Variants in LPP observed in about 807,000 individuals in gnomAD.
LPP encodes the protein lipoma-preferred partner.
In LPP, 38 loss-of-function variants were observed where a neutral mutation model predicts 60.4. That is an observed-to-expected ratio of 0.63 (90% CI 0.49 to 0.83). LPP has a LOEUF of 0.83. LPP is among the 40% of genes least tolerant of loss of function. LPP has a pLI of 0.00. For synonymous variants in LPP, 328 were observed against 290.8 expected (o/e 1.13, Z -1.30); for missense variants, 902 against 783.6 (o/e 1.15, Z -1.80).
rs187490194 is a variant in LPP at position 188,251,100 on chromosome 3, T to C, written c.-67+25573T>C. The stretch of plus-strand genomic sequence containing the variant: ...TTCTTTCTCTCTCTCTTTCTCTCTC[T>C]CTCTTTCTCTCTATTTTCCTCTTTC... On this transcript the variant is annotated intron_variant, in intron 2 of 11. Transcript: ENST00000617246. Among the ~76,000 whole-genome samples the C allele has an allele frequency of 1.9e-3, 280 of 143,642 alleles. 1 individual carries two copies. The highest frequency in any genetic ancestry group is 6.9e-3 in the African/African-American group (262 of 37,910). 94.2% of individuals were successfully genotyped at this position (143,642 alleles called of 152,430 possible).
intron 7 of LPP, among the ~76,000 whole-genome samples, chr3:188,635,728 A>G (rs1044477729): frequency 6.6e-6 from 1 of 152,202 alleles, no homozygotes; most frequent in Non-Finnish European, 1.5e-5. Context: ...TATGTTCTTT[A>G]GTCGAGTTTA....
chr3:188,398,773 C>T lies in LPP; in HGVS notation c.-9-7339C>T, dbSNP rs569676072. Among the ~76,000 whole-genome samples the T allele has an allele frequency of 4.6e-5, 7 of 152,334 alleles. No individual in the cohort carries two copies. In the South Asian group the frequency reaches 1.0e-3, roughly 23 times the overall value. On this transcript the variant is annotated intron_variant, in intron 3 of 11. Transcript: ENST00000617246. ...CAATTACGCTGGTAGGGACTTACCC[C>T]GTTTGGAAAAGGTTTGCCTAAATAC...
At chr3:188,426,041 G>A (rs572241184) in intron 4 of LPP, among the ~76,000 whole-genome samples, 55 of 152,254 alleles carry the variant, frequency 3.6e-4, no homozygotes, top group African/African-American at 1.2e-3. Flanking sequence ...TAATTGCAAC[G>A]TTAGGGTGTC....
intron 1 of LPP, among the ~76,000 whole-genome samples, chr3:188,205,667 A>G (rs1183749968): frequency 6.6e-6 from 1 of 152,088 alleles, no homozygotes; most frequent in Non-Finnish European, 1.5e-5. Flanking sequence ...TGCCCATCCC[A>G]CTGGTGAAAA....
At chr3:188,293,926 C>T (rs1192473264) in intron 2 of LPP, among the ~76,000 whole-genome samples, 1 of 151,684 alleles carries the variant, frequency 6.6e-6, no homozygotes. Context: ...ATCAGTTGGG[C>T]GTAGTAGTGT....
chr3:188,161,588 C>T (rs1405211727), intron 1 of LPP, among the ~76,000 whole-genome samples: 1 of 152,104 alleles, frequency 6.6e-6, no homozygotes, highest in African/African-American at 2.4e-5. Context: ...ACTGAGGCCC[C>T]AGAAAAGGGA....
At chr3:188,323,668 A>C (rs1339967800) in intron 2 of LPP, among the ~76,000 whole-genome samples, 1 of 152,228 alleles carries the variant, frequency 6.6e-6, no homozygotes, top group Non-Finnish European at 1.5e-5. Flanking sequence ...TGCACGTGGC[A>C]CCTGACCTTG....
At chr3:188,460,231 T>C (rs771473968) in intron 4 of LPP, among the ~76,000 whole-genome samples, 4 of 152,176 alleles carry the variant, frequency 2.6e-5, no homozygotes, top group Non-Finnish European at 5.9e-5. Flanking sequence ...CTTGCTGCAA[T>C]TGGAGTGCAG....
chr3:188,675,774 A>G (rs1481245472), intron 7 of LPP, among the ~76,000 whole-genome samples: 1 of 152,252 alleles, frequency 6.6e-6, no homozygotes, highest in Non-Finnish European at 1.5e-5. Context: ...TTACATAGGC[A>G]TATATTAACC....
At chr3:188,223,366 A>T (rs1716537228) in intron 1 of LPP, among the ~76,000 whole-genome samples, 1 of 152,216 alleles carries the variant, frequency 6.6e-6, no homozygotes. Context: ...CCAATTAAAT[A>T]GTATATAGCA....
intron 3 of LPP, among the ~76,000 whole-genome samples, chr3:188,362,671 A>G (rs1381407145): frequency 6.6e-6 from 1 of 152,240 alleles, no homozygotes; most frequent in Non-Finnish European, 1.5e-5. Flanking sequence ...CGAGTTCACA[A>G]TGCCATGTCT....
chr3:188,294,303 C>T (rs558457414), intron 2 of LPP, among the ~76,000 whole-genome samples: 69 of 152,206 alleles, frequency 4.5e-4, no homozygotes, highest in African/African-American at 1.5e-3. Context: ...ATACTAAAAA[C>T]AGAACCGTAA....
chr3:188,802,691 G>A (rs1346304742), intron 9 of LPP, among the ~76,000 whole-genome samples: 3 of 152,080 alleles, frequency 2.0e-5, no homozygotes, highest in African/African-American at 7.2e-5. Flanking sequence ...GGCTGAGGCA[G>A]GAGAATCACT....
At chr3:188,642,029 G>A (rs758417190) in intron 7 of LPP, among the ~76,000 whole-genome samples, 7 of 152,102 alleles carry the variant, frequency 4.6e-5, no homozygotes, top group Non-Finnish European at 5.9e-5. Context: ...TAGCAGTTGC[G>A]CTTGATAATT....
chr3:188,772,527 C>T (rs571560002), intron 9 of LPP, among the ~76,000 whole-genome samples: 1 of 152,028 alleles, frequency 6.6e-6, no homozygotes, highest in South Asian at 2.1e-4. Flanking sequence ...CAGAGTCTCA[C>T]TCTGTAGCCC....
intron 9 of LPP, among the ~76,000 whole-genome samples, chr3:188,761,328 T>C (rs1732271531): frequency 6.6e-6 from 1 of 152,188 alleles, no homozygotes; most frequent in Admixed American, 6.5e-5. Flanking sequence ...CATTGTAACC[T>C]TGGGGTCTGT....
At chr3:188,810,489 G>A (rs1750600393) in intron 9 of LPP, among the ~76,000 whole-genome samples, 1 of 152,058 alleles carries the variant, frequency 6.6e-6, no homozygotes, top group Non-Finnish European at 1.5e-5. Context: ...GAGAGAGAGG[G>A]AGACCACATA....
At chr3:188,165,399 G>T (rs1367458915) in intron 1 of LPP, among the ~76,000 whole-genome samples, 1 of 152,146 alleles carries the variant, frequency 6.6e-6, no homozygotes, top group Non-Finnish European at 1.5e-5. Context: ...TTTGTTTGGT[G>T]GGATAGAGGA....
chr3:188,725,933 G>A (rs1454295877), intron 8 of LPP, among the ~76,000 whole-genome samples: 1 of 152,058 alleles, frequency 6.6e-6, no homozygotes, highest in Non-Finnish European at 1.5e-5. Flanking sequence ...AGGGACAAAG[G>A]TATAGAGACC....
Sources: gnomAD v4.1 joint callset for allele counts (sites outside exome capture counted in the v4.1 genomes callset) on GRCh38, gnomAD v4.1.1 for gene constraint, MANE v1.5 for transcripts, NCBI Gene and HGNC (gene_info 2026-07-23, HGNC 2026-07-21) for gene names.